ARHGAP5: variants seen among roughly 807,000 people sequenced by gnomAD.
The protein encoded by ARHGAP5 is Rho GTPase activating protein 5.
In ARHGAP5, 23 loss-of-function variants were observed where a neutral mutation model predicts 116.6. That is an observed-to-expected ratio of 0.20 (90% CI 0.14 to 0.28). The LOEUF is 0.28. Among genes scored for constraint, ARHGAP5 ranks in the 10% least tolerant of loss-of-function variants. The pLI, the probability that ARHGAP5 is intolerant of heterozygous loss-of-function variation, is 1.00. For missense variants in ARHGAP5, 1,405 were observed against 1,774.8 expected, an observed-to-expected ratio of 0.79 and a Z score of 3.74; for synonymous variants, 574 against 602.0, an observed-to-expected ratio of 0.95 and a Z score of 0.68.
rs551400213 is a variant in ARHGAP5, at chr14:32,125,384, T to C, written c.3865+8097T>C. On this transcript the variant is annotated intron_variant, in intron 3 of 6. Transcript: ENST00000345122. ...CACACATTTTGCTTTTTCAATCGTT[T>C]GGTGGACATTTGGGTTATTTCCACC... Among the ~76,000 whole-genome samples the C allele has an allele frequency of 1.6e-4, 25 of 152,384 alleles. No homozygotes were observed. The South Asian group carries it at 4.3e-3, about 26-fold the overall frequency.
chr14:32,077,476 C>T, intron 1 of ARHGAP5, 41 bp downstream of exon 1: 1 of 685,444 alleles, frequency 1.5e-6, no homozygotes, highest in Non-Finnish European at 2.7e-6. Flanking sequence ...CCTGCCTGCC[C>T]CCTCCCGGAC....
At chr14:32,124,226 G>A (rs1213805904) in intron 3 of ARHGAP5, among the ~76,000 whole-genome samples, 1 of 152,084 alleles carries the variant, frequency 6.6e-6, no homozygotes, top group Non-Finnish European at 1.5e-5. Context: ...TTCCCTCATG[G>A]ATCATGGTTT....
rs1179909263 is a variant in ARHGAP5 at position 32,093,185 on chromosome 14, C to T, written c.2516C>T (p.Ser839Leu). ...IQITILSYHS[S>L]IGVRKDELVH... Reference sequence around the variant, plus strand: ...ATCACAATATTATCATACCACTCTTCAATTGGAGTAAGAAAAGATGAACTA... The same window carrying T: ...ATCACAATATTATCATACCACTCTTTAATTGGAGTAAGAAAAGATGAACTA... Residue 839 changes from serine (S) to leucine (L), a missense_variant, in exon 2 of 7, where the codon TCA (serine) becomes TTA (leucine). Around this residue, in one of 6 missense-constraint regions of ARHGAP5, gnomAD observed 944 missense variants for 1,095.3 expected, o/e 0.86. Transcript: ENST00000345122. The T allele has an allele frequency of 6.2e-7, 1 of 1,613,828 alleles. No individual in the cohort carries two copies. The highest frequency in any genetic ancestry group is 1.3e-5 in the African/African-American group (1 of 74,884).
intron 3 of ARHGAP5, among the ~76,000 whole-genome samples, chr14:32,126,479 CAT>C (rs1174428577): frequency 6.6e-6 from 1 of 152,148 alleles, no homozygotes; most frequent in Admixed American, 6.5e-5. Flanking sequence ...GGACATCAGT[CAT>C]ATTGGGTTAA....
At chr14:32,099,135 G>A (rs553896151) in intron 2 of ARHGAP5, among the ~76,000 whole-genome samples, 2 of 152,278 alleles carry the variant, frequency 1.3e-5, no homozygotes, top group Admixed American at 1.3e-4. Flanking sequence ...TAATGAATGA[G>A]ATGGGAAAAA....
chr14:32,116,708 G>A (rs1188309965), intron 2 of ARHGAP5, among the ~76,000 whole-genome samples: 5 of 152,144 alleles, frequency 3.3e-5, no homozygotes, highest in Non-Finnish European at 7.3e-5. Context: ...GCATCATTAT[G>A]CAATCAATAA....
Position 32,154,929 on chromosome 14 carries a change from A to G in ARHGAP5, c.4490A>G (p.Asp1497Gly), listed in dbSNP as rs369779328. 2.5e-6 allele frequency: 4 copies of G among 1,613,470 alleles called. No homozygotes were observed. Among genetic ancestry groups the G allele is most frequent in the Non-Finnish European group, 3.4e-6 (4 of 1,179,688 alleles). ...CTGATACAACCACAATTACAAACGG[A>G]TCCTCTTGGTATTATATGAGTAGGA... ...PQLIQPQLQT[D>G]PLGII Residue 1497 changes from aspartate to glycine, a missense_variant, in exon 7 of 7, where the codon GAT (aspartate) becomes GGT (glycine). Physicochemically the swap from Asp to Gly is moderately conservative, Grantham distance 94. Coordinates refer to ENST00000345122, the MANE Select transcript of ARHGAP5 (RefSeq NM_001030055.2).
chr14:32,151,476 G>C (rs2139150051), intron 5 of ARHGAP5, among the ~76,000 whole-genome samples: 1 of 152,348 alleles, frequency 6.6e-6, no homozygotes, highest in East Asian at 1.9e-4. Context: ...TGTAGTATAG[G>C]CGAATCTATA....
intron 3 of ARHGAP5, among the ~76,000 whole-genome samples, chr14:32,135,347 C>G (rs1880733554): frequency 6.6e-6 from 1 of 152,110 alleles, no homozygotes; most frequent in African/African-American, 2.4e-5. Context: ...AGGAAGTGTT[C>G]TCTTTTCATT....
chr14:32,110,403 T>G (rs1879233487), intron 2 of ARHGAP5, among the ~76,000 whole-genome samples: 1 of 151,872 alleles, frequency 6.6e-6, no homozygotes, highest in South Asian at 2.1e-4. Flanking sequence ...CAAGCTGTCC[T>G]TCCATCTCAG....
intron 3 of ARHGAP5, 69 bp downstream of exon 3, chr14:32,117,356 A>G (rs1475900178): frequency 7.2e-7 from 1 of 1,382,796 alleles, no homozygotes; most frequent in Non-Finnish European, 9.9e-7. Flanking sequence ...ACAGTTTGTC[A>G]AATGTTTGTG....
At chr14:32,122,087 C>T (rs1566673766) in intron 3 of ARHGAP5, among the ~76,000 whole-genome samples, 1 of 152,132 alleles carries the variant, frequency 6.6e-6, no homozygotes, top group South Asian at 2.1e-4. Context: ...CTGTGTTTAG[C>T]CTTTTAAGGA....
At chr14:32,146,576 G>A in intron 4 of ARHGAP5, among the ~76,000 whole-genome samples, 1 of 152,160 alleles carries the variant, frequency 6.6e-6, no homozygotes, top group Non-Finnish European at 1.5e-5. Flanking sequence ...ATTACTTTTA[G>A]AGCCTTTGAA....
At position 32,092,811 on chromosome 14, in the gene ARHGAP5, C is replaced by T. The variant is rs377117868; in HGVS notation, c.2142C>T (p.Leu714=). 1.9e-6 allele frequency: 3 copies of T among 1,613,956 alleles called. No individual in the cohort carries two copies. Among genetic ancestry groups the T allele is most frequent in the East Asian group, 2.2e-5 (1 of 44,892 alleles). ...CCATTAGTAAGAATCTACCAATTCT[C>T]AGGCACCAAGGGCAGCAGTTGGCAA... ...RDSISKNLPI[L]RHQGQQLANK... Residue 714 remains leucine (L), a synonymous_variant, in exon 2 of 7, where the codon CTC becomes CTT. Transcript: ENST00000345122. This position sits in a 1 kb window ranked among gnomAD's most constrained non-coding sequence, Gnocchi z 4.1.
intron 1 of ARHGAP5, among the ~76,000 whole-genome samples, chr14:32,086,032 A>C (rs896936846): frequency 5.3e-5 from 8 of 152,122 alleles, no homozygotes; most frequent in Non-Finnish European, 1.0e-4. Flanking sequence ...TATACTGGTG[A>C]AATAAAGATT....
chr14:32,093,574 C>T lies in ARHGAP5; in HGVS notation c.2905C>T (p.Pro969Ser). The change falls in exon 2 of 7, where the codon CCC becomes TCC. Residue 969 changes from proline to serine, a missense_variant. Physicochemically the swap from Pro to Ser is moderately conservative, Grantham distance 74. Coordinates refer to ENST00000345122, the MANE Select transcript of ARHGAP5 (RefSeq NM_001030055.2). ...HQSEDVFLPS[P>S]RDCFPYNNYP... ...AAGTGAAGATGTTTTTCTACCATCT[C>T]CCAGAGACTGTTTTCCCTATAATAA... The T allele has an allele frequency of 6.2e-7, 1 of 1,613,972 alleles. No homozygotes were observed.
Position 32,090,581 on chromosome 14 carries a change from T to A in ARHGAP5, c.-89T>A, listed in dbSNP as rs186382575. 2.5e-6 allele frequency: 3 copies of A among 1,201,718 alleles called. No individual in the cohort carries two copies. In the East Asian group the frequency reaches 7.1e-5, roughly 28 times the overall value. The allele number at this position is 1,201,718 out of a possible 1,614,324, so 74.4% of individuals were successfully genotyped here. ...AAAGAACCAAATACAGTTCTGAAAT[T>A]TGGGATCTGTATTTTGAGATGATTT... On this transcript the variant is annotated 5_prime_UTR_variant, in exon 2 of 7. In the 5' UTR this introduces an upstream ATG that the reference lacks. Transcript: ENST00000345122.
chr14:32,100,555 T>C (rs1366520684), intron 2 of ARHGAP5, among the ~76,000 whole-genome samples: 2 of 152,156 alleles, frequency 1.3e-5, no homozygotes, highest in Non-Finnish European at 2.9e-5. Context: ...TTACACTGTT[T>C]TAGGTTATTA....
chr14:32,146,933 A>G (rs1881405393), intron 4 of ARHGAP5, among the ~76,000 whole-genome samples: 1 of 152,188 alleles, frequency 6.6e-6, no homozygotes, highest in African/African-American at 2.4e-5. Context: ...TATTTTATGG[A>G]GCATATACTC....
Sources: allele counts gnomAD v4.1 joint callset (sites outside exome capture counted in the v4.1 genomes callset), GRCh38; gene constraint gnomAD v4.1.1; regional missense constraint gnomAD v4.1.1; non-coding constraint Gnocchi (gnomAD v3.1); transcripts MANE v1.5; gene names NCBI Gene and HGNC (gene_info 2026-07-23, HGNC 2026-07-21).